The following UBE3B variants were observed in gnomAD, a reference collection of about 807,000 sequenced individuals.
UBE3B encodes the protein ubiquitin protein ligase E3B, also known as ubiquitin-protein ligase E3B.
In UBE3B, 80 loss-of-function variants were observed where a neutral mutation model predicts 132.3. The ratio of observed to expected loss-of-function variants is 0.60; its 90% CI spans 0.50 to 0.73. The LOEUF (loss-of-function observed/expected upper bound fraction) is 0.73, where lower values mean the gene tolerates loss of function less well. Ranked by LOEUF, UBE3B falls within the 30% of genes least tolerant of loss-of-function variation. UBE3B has a pLI of 0.00. For missense variants in UBE3B, 1,196 were observed against 1,362.5 expected, an observed-to-expected ratio of 0.88 and a Z score of 1.92; for synonymous variants, 487 against 520.4, an observed-to-expected ratio of 0.94 and a Z score of 0.87.
intron 13 of UBE3B, among the ~76,000 whole-genome samples, chr12:109,502,747 G>A (rs1879155984): frequency 1.3e-5 from 2 of 152,172 alleles, no homozygotes; most frequent in South Asian, 4.1e-4. Flanking sequence ...GAAATTTGGT[G>A]ATTTCCAGTA....
intron 9 of UBE3B, among the ~76,000 whole-genome samples, chr12:109,493,168 C>G (rs1301539177): frequency 6.6e-6 from 1 of 152,230 alleles, no homozygotes; most frequent in Non-Finnish European, 1.5e-5. Flanking sequence ...TAGGTACAAA[C>G]AGGTTTTCCC....
At chr12:109,497,374 A>G (rs1442814810) in intron 9 of UBE3B, among the ~76,000 whole-genome samples, 1 of 152,134 alleles carries the variant, frequency 6.6e-6, no homozygotes, top group Non-Finnish European at 1.5e-5. Context: ...ATAGTTTTAA[A>G]TAAACTGCTT....
At chr12:109,479,421 T>C (rs373077064) in intron 1 of UBE3B, among the ~76,000 whole-genome samples, 30 of 152,252 alleles carry the variant, frequency 2.0e-4, no homozygotes, top group African/African-American at 6.3e-4. Context: ...TAGACACTAT[T>C]ATTACCCTCG....
chr12:109,483,286 T>C lies in UBE3B; in HGVS notation c.-21-245T>C, dbSNP rs375643683. ...TTATCCTATGCCAGGTGCTGTGCTC[T>C]TTCCCTTAAGAAGATGTGATTATTT... is the stretch of plus-strand genomic sequence containing the variant. On this transcript the variant is annotated intron_variant, in intron 2 of 27. Transcript: ENST00000342494. Among the ~76,000 whole-genome samples the C allele has an allele frequency of 7.9e-4, 121 of 152,302 alleles. 3 individuals are homozygous for C. The South Asian group carries it at 0.024, about 30-fold the overall frequency.
rs573561397 is a variant in UBE3B at position 109,520,818 on chromosome 12, T to C, written c.2077-330T>C. 207 of 215,890 alleles carry C rather than the reference T, an allele frequency of 9.6e-4. 1 individual carries two copies. The highest frequency in any genetic ancestry group is 2.1e-3 in the Admixed American group (39 of 18,440). 13.4% of individuals were successfully genotyped at this position (215,890 alleles called of 1,614,324 possible). A position where few individuals can be genotyped will look rare whatever the true frequency, so the allele number is the denominator to read the frequency against. ...CTTAGCATTGAGAGAGAGAGAAATG[T>C]ATCTTGTCCCGGTTTCTTTCATCCT... On this transcript the variant is annotated intron_variant, in intron 19 of 27. Coordinates refer to ENST00000342494, the MANE Select transcript of UBE3B (RefSeq NM_130466.4).
rs78113238 is a variant in UBE3B at position 109,487,634 on chromosome 12, T to G, written c.448-938T>G. ...GCACGCGAGCCAGGCAGATCCTTGT[T>G]TATCTGCTCTCTATGTGTACATTCC... On this transcript the variant is annotated intron_variant, in intron 6 of 27. Transcript: ENST00000342494. Among the ~76,000 whole-genome samples, 783 of 152,346 alleles carry G rather than the reference T, an allele frequency of 5.1e-3. 4 individuals carry two copies. Among genetic ancestry groups the G allele is most frequent in the Non-Finnish European group, 9.3e-3 (636 of 68,028 alleles).
rs201398969 is a variant in UBE3B at position 109,483,961 on chromosome 12, A to C, written c.262A>C (p.Arg88=). ...KIARKLLFLF[R]IKEDNERFEK... ...TGCCAGGAAACTGCTGTTCCTATTCAGAATCAAAGAGGATAATGAGGTAAA... is the reference window on the plus strand; with the variant it reads ...TGCCAGGAAACTGCTGTTCCTATTCCGAATCAAAGAGGATAATGAGGTAAA... Residue 88 remains arginine (R), a synonymous_variant, in exon 4 of 28, where the codon AGA becomes CGA. Transcript: ENST00000342494. 59 of 1,613,444 alleles carry C rather than the reference A, an allele frequency of 3.7e-5. No individual in the cohort carries two copies. The highest frequency in any genetic ancestry group is 1.7e-5 in the Admixed American group (1 of 59,916).
At chr12:109,486,652 C>T in intron 6 of UBE3B, 77 bp downstream of exon 6, 1 of 1,186,938 alleles carries the variant, frequency 8.4e-7, no homozygotes, top group South Asian at 1.5e-5. Flanking sequence ...AGACTTTAGT[C>T]TGTATTTTCA....
chr12:109,505,039 G>C (rs1475072632), intron 14 of UBE3B, among the ~76,000 whole-genome samples: 1 of 151,956 alleles, frequency 6.6e-6, no homozygotes, highest in African/African-American at 2.4e-5. Context: ...TCGATCTCCT[G>C]TGTGTCCAGC....
chr12:109,497,179 GA>G (rs1351057960), intron 9 of UBE3B, among the ~76,000 whole-genome samples: 2 of 151,698 alleles, frequency 1.3e-5, no homozygotes, highest in African/African-American at 4.8e-5. Flanking sequence ...ACATAAAAAA[GA>G]AAAAAATTTC....
downstream of UBE3B, among the ~76,000 whole-genome samples, chr12:109,537,737 C>T (rs1454277379): frequency 1.6e-4 from 25 of 152,256 alleles, no homozygotes; most frequent in East Asian, 1.9e-4. Flanking sequence ...GATGGAGTCT[C>T]GCTGTCGCCC....
At chr12:109,516,317 G>A (rs1327074921) in intron 18 of UBE3B, among the ~76,000 whole-genome samples, 1 of 151,806 alleles carries the variant, frequency 6.6e-6, no homozygotes, top group Non-Finnish European at 1.5e-5. Context: ...GATTACAGGT[G>A]CATGCCACCA....
chr12:109,509,989 G>A (rs1484160685), intron 16 of UBE3B, among the ~76,000 whole-genome samples: 1 of 152,210 alleles, frequency 6.6e-6, no homozygotes. Context: ...TGAATCTCCT[G>A]TTGATTCTTC....
At position 109,498,271 on chromosome 12, in the gene UBE3B, A is replaced by G; in HGVS notation, c.858A>G (p.Lys286=). The G allele has an allele frequency of 6.2e-7, 1 of 1,614,044 alleles. No individual in the cohort carries two copies. The highest frequency in any genetic ancestry group is 8.5e-7 in the Non-Finnish European group (1 of 1,179,990). The part of the protein sequence containing the change: ...TVLESHDMLR[K]FIIFLRDQDR... ...TAGAATCCCATGACATGCTTCGTAA[A>G]TTCATCATATTTTTAAGAGACCAAG... The change falls in exon 11 of 28, where the codon AAA becomes AAG. Residue 286 remains lysine, a synonymous_variant. Transcript: ENST00000342494.
chr12:109,546,418 G>C, the UBE3B span, among the ~76,000 whole-genome samples: 1 of 152,194 alleles, frequency 6.6e-6, no homozygotes, highest in Non-Finnish European at 1.5e-5. Flanking sequence ...GCAGTATTGA[G>C]GGCTGGAAGC....
In UBE3B at chr12:109,478,124, C is replaced by G. The variant is rs117721594; in HGVS notation, c.-128+15C>G. On this transcript the variant is annotated intron_variant, in intron 1 of 27. Coordinates refer to ENST00000342494, the MANE Select transcript of UBE3B (RefSeq NM_130466.4). ...TGTGACCTTGGGTGAGTTCCCTCAC[C>G]TCTCTGAGCCTCAGTTTCCTTCTGT... 7,335 of 153,810 alleles carry G rather than the reference C, an allele frequency of 0.048. 215 individuals carry two copies. Among genetic ancestry groups the G allele is most frequent in the Non-Finnish European group, 0.066 (4,586 of 69,184 alleles). 9.5% of individuals were successfully genotyped at this position (153,810 alleles called of 1,614,324 possible). A position where few individuals can be genotyped will look rare whatever the true frequency, so the allele number is the denominator to read the frequency against.
At chr12:109,500,592 T>C (rs1878855899) in intron 12 of UBE3B, among the ~76,000 whole-genome samples, 1 of 152,152 alleles carries the variant, frequency 6.6e-6, no homozygotes, top group African/African-American at 2.4e-5. Flanking sequence ...CTGAGGAGGA[T>C]GGGGCGGAGG....
Position 109,482,697 on chromosome 12 carries a change from G to A in UBE3B, c.-21-834G>A, listed in dbSNP as rs573036001. ...ATGGGAGCCTCCGGGGGTCAGTGCT[G>A]TGTGCTTTAGGCTGCTAGCAAAAGC... is the stretch of plus-strand genomic sequence containing the variant. On this transcript the variant is annotated intron_variant, in intron 2 of 27. Transcript: ENST00000342494. Among the ~76,000 whole-genome samples the A allele has an allele frequency of 1.0e-3, 147 of 147,040 alleles. 1 individual carries two copies. The highest frequency in any genetic ancestry group is 3.5e-3 in the African/African-American group (140 of 39,720).
At chr12:109,498,132 C>A in intron 10 of UBE3B, 101 bp from the exon 11 acceptor site, 1 of 1,520,832 alleles carries the variant, frequency 6.6e-7, no homozygotes, top group Non-Finnish European at 8.9e-7. Flanking sequence ...TTTGCTAGCA[C>A]ATCCTCCATA....
Sources: allele counts gnomAD v4.1 joint callset (sites outside exome capture counted in the v4.1 genomes callset), GRCh38; gene constraint gnomAD v4.1.1; transcripts MANE v1.5; gene names NCBI Gene and HGNC (gene_info 2026-07-23, HGNC 2026-07-21).